PXDC1: variants seen among roughly 807,000 people sequenced by gnomAD.
PXDC1 encodes PX domain containing 1, also known as PX domain-containing protein 1.
A neutral mutation model predicts 24.4 loss-of-function variants in PXDC1; 13 were observed. The ratio of observed to expected loss-of-function variants is 0.53; its 90% CI spans 0.35 to 0.85. The LOEUF (loss-of-function observed/expected upper bound fraction) is 0.85, where lower values mean the gene tolerates loss of function less well. Ranked by LOEUF, PXDC1 falls within the 40% of genes least tolerant of loss-of-function variation. The pLI is 0.01. For missense variants in PXDC1, 344 were observed against 309.3 expected, an observed-to-expected ratio of 1.11 and a Z score of -0.84; for synonymous variants, 162 against 124.9, an observed-to-expected ratio of 1.30 and a Z score of -1.98.
intron 1 of PXDC1, among the ~76,000 whole-genome samples, chr6:3,746,389 G>A (rs1301013351): frequency 6.6e-6 from 1 of 152,206 alleles, no homozygotes; most frequent in African/African-American, 2.4e-5. Flanking sequence ...AGAGGAAGAG[G>A]AGGCCGCGTG....
Position 3,731,639 on chromosome 6 carries a change from T to G in PXDC1, c.467-3977A>C, listed in dbSNP as rs148255736. Among the ~76,000 whole-genome samples the G allele has an allele frequency of 3.7e-4, 56 of 152,364 alleles. 1 individual carries two copies. Among genetic ancestry groups the G allele is most frequent in the African/African-American group, 1.2e-3 (50 of 41,588 alleles). On this transcript the variant is annotated intron_variant, in intron 3 of 4. Transcript: ENST00000380283. ...ACAGTCTTTCCACCAACGTTCCTCT[T>G]TTCCGTGGGGGCCCCAATCCAGGAT...
At position 3,750,668 on chromosome 6, in the gene PXDC1, T is replaced by A. The variant is rs1007436974; in HGVS notation, c.256+608A>T. 3.3e-5 allele frequency among the ~76,000 whole-genome samples: 5 copies of A among 152,120 alleles called. No homozygotes were observed. In the South Asian group the frequency reaches 1.0e-3, roughly 32 times the overall value. On this transcript the variant is annotated intron_variant, in intron 1 of 4. Coordinates refer to ENST00000380283, the MANE Select transcript of PXDC1 (RefSeq NM_183373.4). The stretch of plus-strand genomic sequence containing the variant: ...GGCGGCGCAGCTGATCAAACGCGAA[T>A]GGGGACCAGCCCTGGCGGGGGTGCG...
chr6:3,724,066 G>A lies in PXDC1; in HGVS notation c.579-330C>T, dbSNP rs568408591. ...ATCAGCAGTGAACAAGGCAGGCAGGGTCTGTCCTCAGGGAAGAGGCGCCTG... is the reference window on the plus strand; with the variant it reads ...ATCAGCAGTGAACAAGGCAGGCAGGATCTGTCCTCAGGGAAGAGGCGCCTG... On this transcript the variant is annotated intron_variant, in intron 4 of 4. Transcript: ENST00000380283. The surrounding 1 kb of genome is among the most constrained non-coding windows in gnomAD (Gnocchi z 4.5). Among the ~76,000 whole-genome samples the A allele has an allele frequency of 2.0e-5, 3 of 152,224 alleles. No homozygotes were observed. Among genetic ancestry groups the A allele is most frequent in the South Asian group, 2.1e-4 (1 of 4,836 alleles).
chr6:3,723,247 T>C lies in PXDC1; in HGVS notation c.*372A>G. The C allele has an allele frequency of 4.8e-6, 1 of 210,122 alleles. No homozygotes were observed. The highest frequency in any genetic ancestry group is 1.7e-4 in the South Asian group (1 of 5,942). The allele number at this position is 210,122 out of a possible 1,614,324, so 13.0% of individuals were successfully genotyped here. A position where few individuals can be genotyped will look rare whatever the true frequency, so the allele number is the denominator to read the frequency against. On this transcript the variant is annotated 3_prime_UTR_variant, in exon 5 of 5. Coordinates refer to ENST00000380283, the MANE Select transcript of PXDC1 (RefSeq NM_183373.4). ...GGGAGTCAGGGTGGCTGGGGGGCACTAGGCCACTTCACCAAGAGGGATGCA... is the reference window on the plus strand; with the variant it reads ...GGGAGTCAGGGTGGCTGGGGGGCACCAGGCCACTTCACCAAGAGGGATGCA...
At position 3,737,258 on chromosome 6, in the gene PXDC1, T is replaced by A. The variant is rs1486698872; in HGVS notation, c.349-62A>T. 3 of 1,204,752 alleles carry A rather than the reference T, an allele frequency of 2.5e-6. No homozygotes were observed. Among genetic ancestry groups the A allele is most frequent in the Non-Finnish European group, 3.7e-6 (3 of 812,256 alleles). 74.6% of individuals were successfully genotyped at this position (1,204,752 alleles called of 1,614,324 possible). On this transcript the variant is annotated intron_variant, in intron 2 of 4. Transcript: ENST00000380283. This position sits in a 1 kb window ranked among gnomAD's most constrained non-coding sequence, Gnocchi z 5.5. Reference sequence around the variant, plus strand: ...CCTCTACACGTTGGCCCTGTCTGTCTACCAAGAGAGGGCCCCGCTCCTCCG... The same window carrying A: ...CCTCTACACGTTGGCCCTGTCTGTCAACCAAGAGAGGGCCCCGCTCCTCCG...
chr6:3,735,021 C>T (rs1423616507), intron 3 of PXDC1, among the ~76,000 whole-genome samples: 1 of 152,094 alleles, frequency 6.6e-6, no homozygotes, highest in African/African-American at 2.4e-5. Context: ...AACTGCACCA[C>T]CGCACTCCAG....
chr6:3,733,087 T>C (rs369107355), intron 3 of PXDC1, among the ~76,000 whole-genome samples: 94 of 152,316 alleles, frequency 6.2e-4, no homozygotes, highest in African/African-American at 2.2e-3. Context: ...ATGCCCAGAA[T>C]GACCAAGAAC....
chr6:3,739,677 G>A (rs370876088), intron 1 of PXDC1, among the ~76,000 whole-genome samples: 1 of 152,228 alleles, frequency 6.6e-6, no homozygotes, highest in South Asian at 2.1e-4. Flanking sequence ...CTCCCCACAC[G>A]CCGGGGCAAG....
chr6:3,734,767 C>T lies in PXDC1; in HGVS notation c.466+2312G>A, dbSNP rs115526318. Among the ~76,000 whole-genome samples, 575 of 151,594 alleles carry T rather than the reference C, an allele frequency of 3.8e-3. 6 individuals carry two copies. The highest frequency in any genetic ancestry group is 0.013 in the African/African-American group (551 of 41,028). ...GCAATCCCCATCAAAATACAAATGACATTCTTCACAGGAATAGAAAAAAAA... is the reference window on the plus strand; with the variant it reads ...GCAATCCCCATCAAAATACAAATGATATTCTTCACAGGAATAGAAAAAAAA... On this transcript the variant is annotated intron_variant, in intron 3 of 4. Coordinates refer to ENST00000380283, the MANE Select transcript of PXDC1 (RefSeq NM_183373.4).
chr6:3,731,644 G>T (rs192418868), intron 3 of PXDC1, among the ~76,000 whole-genome samples: 9 of 152,238 alleles, frequency 5.9e-5, no homozygotes, highest in Admixed American at 2.0e-4. Flanking sequence ...CCTCTTTTCC[G>T]TGGGGGCCCC....
Position 3,725,925 on chromosome 6 carries a change from G to A in PXDC1, c.578+1626C>T, listed in dbSNP as rs189061670. ...TTTTCTCGGCCCTCTCTGTGAGCCA[G>A]GCATCCCGGAGCAGGTGGCCGCCTA... On this transcript the variant is annotated intron_variant, in intron 4 of 4. Transcript: ENST00000380283. This position sits in a 1 kb window ranked among gnomAD's most constrained non-coding sequence, Gnocchi z 4.8. Among the ~76,000 whole-genome samples, 196 of 152,304 alleles carry A rather than the reference G, an allele frequency of 1.3e-3. 1 individual carries two copies. Among genetic ancestry groups the A allele is most frequent in the Non-Finnish European group, 1.5e-4 (10 of 68,030 alleles).
At chr6:3,750,058 T>C (rs889195100) in intron 1 of PXDC1, among the ~76,000 whole-genome samples, 3 of 152,274 alleles carry the variant, frequency 2.0e-5, no homozygotes, top group African/African-American at 7.2e-5. Context: ...GAGGGAGGCC[T>C]GAAAGGCGGG....
At position 3,725,280 on chromosome 6, in the gene PXDC1, G is replaced by T. The variant is rs184872139; in HGVS notation, c.579-1544C>A. 1.3e-5 allele frequency among the ~76,000 whole-genome samples: 2 copies of T among 152,286 alleles called. No homozygotes were observed. The highest frequency in any genetic ancestry group is 2.9e-5 in the Non-Finnish European group (2 of 68,018). On this transcript the variant is annotated intron_variant, in intron 4 of 4. Coordinates refer to ENST00000380283, the MANE Select transcript of PXDC1 (RefSeq NM_183373.4). This position sits in a 1 kb window ranked among gnomAD's most constrained non-coding sequence, Gnocchi z 4.8. ...ATGACCCTGAGGACATGAGGAGGGA[G>T]GGGGACCGGGATGCTCAGGGAAAAT... is the stretch of plus-strand genomic sequence containing the variant.
intron 1 of PXDC1, among the ~76,000 whole-genome samples, chr6:3,739,732 A>C (rs1348364756): frequency 6.6e-6 from 1 of 152,032 alleles, no homozygotes; most frequent in Non-Finnish European, 1.5e-5. Context: ...AAAGTACCAG[A>C]CTCTCCGGAT....
At chr6:3,743,533 A>G (rs1760496609) in intron 1 of PXDC1, among the ~76,000 whole-genome samples, 1 of 152,164 alleles carries the variant, frequency 6.6e-6, no homozygotes, top group Non-Finnish European at 1.5e-5. Context: ...TTGGAAACTA[A>G]ATATCTAAAA....
At position 3,751,600 on chromosome 6, in the gene PXDC1, G is replaced by A. The variant is rs1217094500; in HGVS notation, c.-69C>T. ...CGCCCGCCCGCAGGAGGCGCGCCCC[G>A]GCCGGGGTCGTCCCGGGTCTGTCCG... On this transcript the variant is annotated 5_prime_UTR_variant, in exon 1 of 5. Coordinates refer to ENST00000380283, the MANE Select transcript of PXDC1 (RefSeq NM_183373.4). The A allele has an allele frequency of 1.4e-6, 2 of 1,423,320 alleles. No homozygotes were observed. The highest frequency in any genetic ancestry group is 3.0e-5 in the African/African-American group (2 of 66,320). 88.2% of individuals were successfully genotyped at this position (1,423,320 alleles called of 1,614,324 possible).
Position 3,751,476 on chromosome 6 carries a change from C to T in PXDC1, c.56G>A (p.Cys19Tyr). Residue 19 changes from cysteine to tyrosine, a missense_variant, in exon 1 of 5, where the codon TGC (cysteine) becomes TAC (tyrosine). Coordinates refer to ENST00000380283, the MANE Select transcript of PXDC1 (RefSeq NM_183373.4). Reference protein sequence around the residue: ...TSLVNMFVRGCWVNGIRRLIV... With the variant: ...TSLVNMFVRGYWVNGIRRLIV... The stretch of plus-strand genomic sequence containing the variant: ...GAGCCTGCGGATGCCGTTCACCCAG[C>T]AGCCGCGCACGAACATGTTCACGAG... 1.2e-6 allele frequency: 2 copies of T among 1,604,286 alleles called. No homozygotes were observed. The highest frequency in any genetic ancestry group is 1.3e-5 in the African/African-American group (1 of 74,456).
chr6:3,751,236 GCCTCGGCCCCGCGCCCCTCCCGCGT>G lies in PXDC1; in HGVS notation c.256+15_256+39del, dbSNP rs1402642750. The G allele has an allele frequency of 1.3e-5, 18 of 1,394,524 alleles. No individual in the cohort carries two copies. Among genetic ancestry groups the G allele is most frequent in the Non-Finnish European group, 1.5e-5 (16 of 1,066,598 alleles). The allele number at this position is 1,394,524 out of a possible 1,614,324, so 86.4% of individuals were successfully genotyped here. A position where few individuals can be genotyped will look rare whatever the true frequency, so the allele number is the denominator to read the frequency against. ...CGCCTCCTTCGTGCACTTCAAGGCT[GCCTCGGCCCCGCGCCCCTCCCGCGT>G]CCCCGGCCCCGCACCTTGCCGCAGC... On this transcript the variant is annotated intron_variant, in intron 1 of 4. Coordinates refer to ENST00000380283, the MANE Select transcript of PXDC1 (RefSeq NM_183373.4).
At chr6:3,738,415 C>T (rs1487089669) in intron 1 of PXDC1, among the ~76,000 whole-genome samples, 2 of 152,134 alleles carry the variant, frequency 1.3e-5, no homozygotes, top group African/African-American at 2.4e-5. Flanking sequence ...GTGTAAGATC[C>T]CTCCAAGTGG....
Sources: gnomAD v4.1 joint callset for allele counts (sites outside exome capture counted in the v4.1 genomes callset) on GRCh38, gnomAD v4.1.1 for gene constraint, Gnocchi (gnomAD v3.1) non-coding constraint, MANE v1.5 for transcripts, NCBI Gene and HGNC (gene_info 2026-07-23, HGNC 2026-07-21) for gene names.